Variants in PIBF1 observed in about 807,000 individuals in gnomAD.
PIBF1 encodes the protein progesterone immunomodulatory binding factor 1.
A neutral mutation model predicts 112.5 loss-of-function variants in PIBF1; 90 were observed. That is an observed-to-expected ratio of 0.80 (90% CI 0.67 to 0.95). PIBF1 has a LOEUF of 0.95. Ranked by LOEUF, PIBF1 falls within the 40% of genes least tolerant of loss-of-function variation. The probability of loss-of-function intolerance (pLI) is 0.00; values close to 1 mark genes in which losing one functional copy is unlikely to be tolerated. For synonymous variants in PIBF1, 301 were observed against 288.6 expected, an observed-to-expected ratio of 1.04 and a Z score of -0.44; for missense variants, 915 against 852.3, an observed-to-expected ratio of 1.07 and a Z score of -0.92.
At chr13:72,816,034 G>T (rs935595008) in intron 5 of PIBF1, among the ~76,000 whole-genome samples, 3 of 152,196 alleles carry the variant, frequency 2.0e-5, no homozygotes, top group Non-Finnish European at 2.9e-5. Context: ...TGTTACAGTA[G>T]TTTGCTGAAT....
intron 16 of PIBF1, among the ~76,000 whole-genome samples, chr13:72,986,760 GGCTCACTGCAA>G (rs2043302290): frequency 6.8e-6 from 1 of 146,582 alleles, no homozygotes; most frequent in Non-Finnish European, 1.5e-5. Flanking sequence ...GCGCAATCTC[GGCTCACTGCAA>G]GCTCCGCTTC....
Position 72,844,793 on chromosome 13 carries a change from A to ACG in PIBF1, c.1224-9263_1224-9262insGC, listed in dbSNP as rs2037792548. 3.0e-5 allele frequency among the ~76,000 whole-genome samples: 4 copies of ACG among 132,236 alleles called. 1 individual carries two copies. Among genetic ancestry groups the ACG allele is most frequent in the Admixed American group, 2.4e-4 (3 of 12,546 alleles). 86.8% of individuals were successfully genotyped at this position (132,236 alleles called of 152,430 possible). Reference sequence around the variant, plus strand: ...CACACACACACACACACACACACACACACACACGGATGAAGTCTTACTGTT... The same window carrying ACG: ...CACACACACACACACACACACACACACGCACACACGGATGAAGTCTTACTGTT... On this transcript the variant is annotated intron_variant, in intron 9 of 17. Transcript: ENST00000326291.
At chr13:72,880,652 ATATT>A in intron 10 of PIBF1, among the ~76,000 whole-genome samples, 1 of 152,340 alleles carries the variant, frequency 6.6e-6, no homozygotes, top group Middle Eastern at 3.4e-3. Context: ...TTACTTGTGA[ATATT>A]TAACCCTCTG....
chr13:72,965,073 CA>C (rs144709877), intron 14 of PIBF1, among the ~76,000 whole-genome samples, 200 bp from the exon 15 acceptor site: 2 of 151,780 alleles, frequency 1.3e-5, no homozygotes, highest in African/African-American at 2.4e-5. Context: ...AAAAAGAAAA[CA>C]AAAAAAATTA....
intron 14 of PIBF1, among the ~76,000 whole-genome samples, chr13:72,949,928 G>A (rs994180727): frequency 2.0e-5 from 3 of 152,176 alleles, no homozygotes; most frequent in African/African-American, 7.2e-5. Context: ...AAGTAAGAAT[G>A]ATTATAAAGG....
chr13:72,898,742 G>C (rs2040375680), intron 11 of PIBF1, among the ~76,000 whole-genome samples: 1 of 151,162 alleles, frequency 6.6e-6, no homozygotes, highest in African/African-American at 2.4e-5. Context: ...CAGCTACTCA[G>C]GAGGCTGAGG....
At chr13:72,970,236 G>A (rs1373373260) in intron 15 of PIBF1, among the ~76,000 whole-genome samples, 1 of 152,040 alleles carries the variant, frequency 6.6e-6, no homozygotes, top group African/African-American at 2.4e-5. Context: ...TAACATTTGA[G>A]ATGTCACTAT....
intron 8 of PIBF1, among the ~76,000 whole-genome samples, chr13:72,833,551 C>T (rs1384255477): frequency 6.6e-6 from 1 of 152,262 alleles, no homozygotes; most frequent in Non-Finnish European, 1.5e-5. Context: ...CCTCCCGACC[C>T]TGTTTGCCTG....
At chr13:72,904,395 G>GCATA (rs1357836531) in intron 11 of PIBF1, among the ~76,000 whole-genome samples, 1 of 127,170 alleles carries the variant, frequency 7.9e-6, no homozygotes, top group Non-Finnish European at 1.6e-5. Flanking sequence ...TACATGTGTT[G>GCATA]CATACATTTG....
intron 2 of PIBF1, among the ~76,000 whole-genome samples, chr13:72,785,340 A>G (rs1417086323): frequency 6.6e-6 from 1 of 151,922 alleles, no homozygotes; most frequent in East Asian, 1.9e-4. Context: ...GAGGACGGGG[A>G]TGTTTTTGTA....
intron 5 of PIBF1, among the ~76,000 whole-genome samples, chr13:72,805,949 A>G (rs2035708316): frequency 6.6e-6 from 1 of 152,268 alleles, no homozygotes; most frequent in Non-Finnish European, 1.5e-5. Flanking sequence ...TGGACAAATT[A>G]TATTTCACAT....
intron 10 of PIBF1, among the ~76,000 whole-genome samples, chr13:72,862,862 G>A (rs990224915): frequency 2.6e-5 from 4 of 152,234 alleles, no homozygotes; most frequent in African/African-American, 7.2e-5. Flanking sequence ...GGAAGTGAAC[G>A]TTTAGTGTAA....
intron 10 of PIBF1, among the ~76,000 whole-genome samples, chr13:72,869,175 A>T (rs1466924218): frequency 6.6e-6 from 1 of 152,194 alleles, no homozygotes; most frequent in South Asian, 2.1e-4. Flanking sequence ...ACGTATGTTT[A>T]TCACGGCATT....
At chr13:73,003,913 A>G (rs2043951878) in intron 17 of PIBF1, among the ~76,000 whole-genome samples, 1 of 151,646 alleles carries the variant, frequency 6.6e-6, no homozygotes, top group African/African-American at 2.4e-5. Flanking sequence ...GTCTCACTGC[A>G]TTGCTCAGGC....
rs537860722 is a variant in PIBF1 at position 72,955,591 on chromosome 13, A to C, written c.1834-9683A>C. Among the ~76,000 whole-genome samples, 5 of 152,194 alleles carry C rather than the reference A, an allele frequency of 3.3e-5. No individual in the cohort carries two copies. In the East Asian group the frequency reaches 9.6e-4, roughly 29 times the overall value. ...AGAGCTATTTGAAAATCACAATGCAAATTCTTTATACACACACATACATAC... is the reference window on the plus strand; with the variant it reads ...AGAGCTATTTGAAAATCACAATGCACATTCTTTATACACACACATACATAC... On this transcript the variant is annotated intron_variant, in intron 14 of 17. Transcript: ENST00000326291.
chr13:72,835,253 A>T lies in PIBF1; in HGVS notation c.1108A>T (p.Lys370Ter). 1.9e-6 allele frequency: 3 copies of T among 1,569,262 alleles called. No individual in the cohort carries two copies. Among genetic ancestry groups the T allele is most frequent in the Non-Finnish European group, 2.6e-6 (3 of 1,164,606 alleles). Residue 370 changes from lysine (K) to a stop codon, truncating the protein, a stop_gained, in exon 9 of 18, where the codon AAA (lysine) becomes TAA (stop). Coordinates refer to ENST00000326291, the MANE Select transcript of PIBF1 (RefSeq NM_006346.4). LOFTEE classifies it high-confidence loss of function. ...EKYVASRDHYKTEYENKLHDE... is the reference protein window; with the variant it reads ...EKYVASRDHY ...TTTCACTCCTTGCAGAGACCATTAT[A>T]AAACAGAATATGAAAATAAACTACA...
At chr13:72,918,777 C>G (rs2041189509) in intron 13 of PIBF1, among the ~76,000 whole-genome samples, 1 of 151,036 alleles carries the variant, frequency 6.6e-6, no homozygotes, top group Non-Finnish European at 1.5e-5. Context: ...GATCTCAGCT[C>G]ACTGCAACCT....
intron 17 of PIBF1, among the ~76,000 whole-genome samples, chr13:73,000,118 G>A (rs1009102035): frequency 1.2e-4 from 18 of 152,288 alleles, no homozygotes; most frequent in East Asian, 9.7e-4. Flanking sequence ...GCTGACAGGC[G>A]GGAGAAAACA....
At chr13:72,907,129 T>A (rs954734735) in intron 11 of PIBF1, among the ~76,000 whole-genome samples, 8 of 152,178 alleles carry the variant, frequency 5.3e-5, no homozygotes, top group Non-Finnish European at 1.2e-4. Context: ...ATAAAAATGC[T>A]GTTCCCATTT....
Sources: gnomAD v4.1 joint callset for allele counts (sites outside exome capture counted in the v4.1 genomes callset) on GRCh38, gnomAD v4.1.1 for gene constraint, MANE v1.5 for transcripts, NCBI Gene and HGNC (gene_info 2026-07-23, HGNC 2026-07-21) for gene names.